EXOC4: variants seen among roughly 807,000 people sequenced by gnomAD.
EXOC4 encodes exocyst complex component 4, also known as SEC8-like 1.
Under a neutral mutation model 107.2 loss-of-function variants are expected in EXOC4, and 71 were observed. The ratio of observed to expected loss-of-function variants is 0.66; its 90% CI spans 0.55 to 0.81. The LOEUF (loss-of-function observed/expected upper bound fraction) is 0.81, where lower values mean the gene tolerates loss of function less well. Among genes scored for constraint, EXOC4 ranks in the 30% least tolerant of loss-of-function variants. The pLI, the probability that EXOC4 is intolerant of heterozygous loss-of-function variation, is 0.00. For synonymous variants in EXOC4, 456 were observed against 441.2 expected (o/e 1.03, Z -0.42); for missense variants, 1,108 against 1,189.6 (o/e 0.93, Z 1.01).
In EXOC4 at chr7:133,604,955, C is replaced by A. The variant is rs574333608; in HGVS notation, c.1418-25090C>A. ...GTCCAGGCTGGTCAAGAACTCCTGA[C>A]CTCAGGTGATCCACCCACCTCGGCC... On this transcript the variant is annotated intron_variant, in intron 9 of 17. Coordinates refer to ENST00000253861, the MANE Select transcript of EXOC4 (RefSeq NM_021807.4). 1.8e-4 allele frequency among the ~76,000 whole-genome samples: 28 copies of A among 151,766 alleles called. No homozygotes were observed. In the Middle Eastern group the frequency reaches 0.01, roughly 55 times the overall value.
chr7:133,502,778 C>G (rs1799598347), intron 9 of EXOC4, among the ~76,000 whole-genome samples: 1 of 152,110 alleles, frequency 6.6e-6, no homozygotes, highest in Non-Finnish European at 1.5e-5. Context: ...TTCATTTGTT[C>G]TGGAAAATAT....
At chr7:133,301,791 C>G (rs927924036) in intron 3 of EXOC4, among the ~76,000 whole-genome samples, 1 of 151,952 alleles carries the variant, frequency 6.6e-6, no homozygotes, top group Non-Finnish European at 1.5e-5. Flanking sequence ...ATAAAAAGAT[C>G]AATAGTTTCT....
chr7:134,091,846 T>C, the EXOC4 span, among the ~76,000 whole-genome samples: 2 of 152,216 alleles, frequency 1.3e-5, no homozygotes, highest in South Asian at 4.2e-4. Flanking sequence ...AGGGGCAGAG[T>C]GTACCCCTGT....
chr7:133,371,410 C>CA (rs1796374539), intron 6 of EXOC4, among the ~76,000 whole-genome samples: 1 of 152,162 alleles, frequency 6.6e-6, no homozygotes, highest in African/African-American at 2.4e-5. Context: ...CACCCACCCC[C>CA]AGCCTAAGTA....
chr7:134,052,288 A>G (rs1795816262), intron 17 of EXOC4, among the ~76,000 whole-genome samples: 1 of 152,266 alleles, frequency 6.6e-6, no homozygotes, highest in East Asian at 1.9e-4. Context: ...GAGAAGGAGG[A>G]TGTTTGAAGC....
In EXOC4 at chr7:133,883,901, G is replaced by A. The variant is rs139281093; in HGVS notation, c.1735-11698G>A. 1.4e-4 allele frequency among the ~76,000 whole-genome samples: 22 copies of A among 152,242 alleles called. No homozygotes were observed. In the East Asian group the frequency reaches 3.5e-3, roughly 24 times the overall value. On this transcript the variant is annotated intron_variant, in intron 11 of 17. Coordinates refer to ENST00000253861, the MANE Select transcript of EXOC4 (RefSeq NM_021807.4). ...CAGTTTAAACATCACACAAATCAAA[G>A]CGTAGATTAAAAAATGGAAAGCATA...
intron 4 of EXOC4, among the ~76,000 whole-genome samples, chr7:133,309,889 G>A (rs974387033): frequency 1.3e-5 from 2 of 151,374 alleles, no homozygotes; most frequent in African/African-American, 2.4e-5. Context: ...GCAGTGAGCC[G>A]AGATCACACC....
At chr7:134,089,304 C>A in the EXOC4 span, among the ~76,000 whole-genome samples, 4 of 152,160 alleles carry the variant, frequency 2.6e-5, no homozygotes, top group Non-Finnish European at 5.9e-5. Context: ...ATTCCTATGA[C>A]TTCTTATAAT....
chr7:133,888,908 C>T (rs1162034524), intron 11 of EXOC4, among the ~76,000 whole-genome samples: 3 of 152,082 alleles, frequency 2.0e-5, no homozygotes, highest in Non-Finnish European at 4.4e-5. Flanking sequence ...GAGGATTAAA[C>T]AAAATAAAAT....
At chr7:134,069,086 C>CTCAAATT (rs1377557383), downstream of EXOC4, among the ~76,000 whole-genome samples, 3 of 152,150 alleles carry the variant, frequency 2.0e-5, no homozygotes, top group Non-Finnish European at 4.4e-5. Context: ...AGGAAGACAG[C>CTCAAATT]TCAAATTTCA....
chr7:133,938,193 T>C, intron 14 of EXOC4, 124 bp downstream of exon 14: 1 of 902,786 alleles, frequency 1.1e-6, no homozygotes. Context: ...CAGAAGATCC[T>C]GGTTAGAATT....
intron 14 of EXOC4, among the ~76,000 whole-genome samples, chr7:133,960,043 C>T (rs1046447768): frequency 1.3e-5 from 2 of 152,142 alleles, no homozygotes; most frequent in African/African-American, 4.8e-5. Flanking sequence ...AGAGAAAGAT[C>T]TCCAGAGTGA....
At chr7:133,677,756 C>T (rs1406853137) in intron 10 of EXOC4, among the ~76,000 whole-genome samples, 1 of 151,900 alleles carries the variant, frequency 6.6e-6, no homozygotes, top group Non-Finnish European at 1.5e-5. Flanking sequence ...AATCTTAAAT[C>T]CTTCTCTTTC....
At chr7:133,425,545 C>T (rs1195505164) in intron 7 of EXOC4, among the ~76,000 whole-genome samples, 1 of 152,154 alleles carries the variant, frequency 6.6e-6, no homozygotes, top group African/African-American at 2.4e-5. Context: ...CCTCAGCCTC[C>T]CAAAGTGCTG....
At chr7:133,648,956 A>G (rs1190661175) in intron 10 of EXOC4, among the ~76,000 whole-genome samples, 1 of 152,188 alleles carries the variant, frequency 6.6e-6, no homozygotes, top group Non-Finnish European at 1.5e-5. Context: ...AATATCACAA[A>G]GAGAGATGAA....
intron 11 of EXOC4, among the ~76,000 whole-genome samples, chr7:133,860,504 A>G (rs1016304192): frequency 4.6e-5 from 7 of 152,240 alleles, no homozygotes; most frequent in Non-Finnish European, 1.0e-4. Context: ...AAGTGAAGAA[A>G]GGACTATGGA....
chr7:133,930,124 A>G (rs1380182240), intron 13 of EXOC4, among the ~76,000 whole-genome samples: 1 of 152,170 alleles, frequency 6.6e-6, no homozygotes, highest in Non-Finnish European at 1.5e-5. Context: ...ATAAGTGATT[A>G]TTGGTTATTT....
intron 1 of EXOC4, among the ~76,000 whole-genome samples, chr7:133,263,739 G>C (rs1179448287): frequency 6.6e-6 from 1 of 151,098 alleles, no homozygotes. Context: ...TTATATGTGT[G>C]TGTGTGTTTA....
chr7:133,724,146 A>G (rs1795166798), intron 10 of EXOC4, among the ~76,000 whole-genome samples: 1 of 152,216 alleles, frequency 6.6e-6, no homozygotes, highest in Non-Finnish European at 1.5e-5. Flanking sequence ...TGTCAGACTA[A>G]TCAATGGTAA....
Sources: allele counts gnomAD v4.1 joint callset (sites outside exome capture counted in the v4.1 genomes callset), GRCh38; gene constraint gnomAD v4.1.1; transcripts MANE v1.5; gene names NCBI Gene and HGNC (gene_info 2026-07-23, HGNC 2026-07-21).